ZHX3: variants seen among roughly 807,000 people sequenced by gnomAD.
ZHX3 encodes zinc fingers and homeoboxes 3.
A neutral mutation model predicts 64.5 loss-of-function variants in ZHX3; 20 were observed. The ratio of observed to expected loss-of-function variants is 0.31; its 90% CI spans 0.22 to 0.45. The LOEUF (loss-of-function observed/expected upper bound fraction) is 0.45. ZHX3 is among the 20% of genes least tolerant of loss of function. The probability of loss-of-function intolerance (pLI) is 1.00; values close to 1 mark genes in which losing one functional copy is unlikely to be tolerated. For missense variants in ZHX3, 1,041 were observed against 1,195.8 expected, an observed-to-expected ratio of 0.87 and a Z score of 1.91; for synonymous variants, 423 against 461.6, an observed-to-expected ratio of 0.92 and a Z score of 1.07.
chr20:41,266,712 A>T (rs1270301434), intron 2 of ZHX3, among the ~76,000 whole-genome samples: 1 of 149,564 alleles, frequency 6.7e-6, no homozygotes, highest in African/African-American at 2.5e-5. Context: ...CGCCCAGCTA[A>T]TTTTTTGTAT....
intron 2 of ZHX3, among the ~76,000 whole-genome samples, chr20:41,206,322 G>C (rs1600772746): frequency 6.6e-6 from 1 of 152,168 alleles, no homozygotes; most frequent in Non-Finnish European, 1.5e-5. Flanking sequence ...TGAGAGAAGA[G>C]GGCTTCAGAC....
At chr20:41,257,011 A>G (rs143972380) in intron 2 of ZHX3, among the ~76,000 whole-genome samples, 229 of 152,174 alleles carry the variant, frequency 1.5e-3, no homozygotes, top group African/African-American at 5.2e-3. Flanking sequence ...GCTCCCACTT[A>G]TAAGTGAGAA....
rs554724628 is a variant in ZHX3 at position 41,205,009 on chromosome 20, C to T, written c.-93G>A. On this transcript the variant is annotated 5_prime_UTR_variant, in exon 3 of 4. Transcript: ENST00000683867. Reference sequence around the variant, plus strand: ...AGCTTCTCGATGAGGGCCAAAGAAACAGTTTCTAAATGCAGCTTTTTCAGT... The same window carrying T: ...AGCTTCTCGATGAGGGCCAAAGAAATAGTTTCTAAATGCAGCTTTTTCAGT... 7.1e-7 allele frequency: 1 copy of T among 1,399,294 alleles called. No homozygotes were observed. Among genetic ancestry groups the T allele is most frequent in the East Asian group, 2.6e-5 (1 of 38,526 alleles). The allele number at this position is 1,399,294 out of a possible 1,614,324, so 86.7% of individuals were successfully genotyped here. A position where few individuals can be genotyped will look rare whatever the true frequency, so the allele number is the denominator to read the frequency against.
intron 1 of ZHX3, among the ~76,000 whole-genome samples, chr20:41,312,682 G>C (rs1434152001): frequency 6.6e-6 from 1 of 152,174 alleles, no homozygotes; most frequent in East Asian, 1.9e-4. Flanking sequence ...GGACGTTTAA[G>C]GATCTTTCTA....
At chr20:41,275,857 C>G (rs1043943582) in intron 1 of ZHX3, among the ~76,000 whole-genome samples, 2 of 152,176 alleles carry the variant, frequency 1.3e-5, no homozygotes, top group Admixed American at 1.3e-4. Flanking sequence ...TCTAGTTGCA[C>G]TCAGTTAACC....
intron 2 of ZHX3, among the ~76,000 whole-genome samples, chr20:41,208,031 A>G (rs1038409220): frequency 6.6e-6 from 1 of 152,254 alleles, no homozygotes; most frequent in Admixed American, 6.5e-5. Flanking sequence ...TCCCATAGAA[A>G]TACAAACTAC....
intron 3 of ZHX3, among the ~76,000 whole-genome samples, chr20:41,193,063 C>A (rs1316431234): frequency 6.6e-6 from 1 of 152,182 alleles, no homozygotes; most frequent in Non-Finnish European, 1.5e-5. Flanking sequence ...TCCGTGAATT[C>A]CAGTGTTCTG....
chr20:41,229,425 G>A (rs530966088), intron 2 of ZHX3, among the ~76,000 whole-genome samples: 90 of 152,224 alleles, frequency 5.9e-4, no homozygotes, highest in Non-Finnish European at 1.2e-3. Context: ...CCCAGAAGTG[G>A]AATTGCTTAA....
In ZHX3 at chr20:41,182,169, G is replaced by A. The variant is rs997911820; in HGVS notation, c.*3022C>T. 2 of 152,044 alleles carry A rather than the reference G, an allele frequency of 1.3e-5. No homozygotes were observed. Among genetic ancestry groups the A allele is most frequent in the African/African-American group, 2.4e-5 (1 of 41,358 alleles). The allele number at this position is 152,044 out of a possible 1,614,324, so 9.4% of individuals were successfully genotyped here. On this transcript the variant is annotated 3_prime_UTR_variant, in exon 4 of 4. Transcript: ENST00000683867. This position sits in a 1 kb window ranked among gnomAD's most constrained non-coding sequence, Gnocchi z 6.1. Reference sequence around the variant, plus strand: ...CATCTGGTTTCACCTTTGAGAACTCGATCTACAACCCCATGTAAAAAACAA... The same window carrying A: ...CATCTGGTTTCACCTTTGAGAACTCAATCTACAACCCCATGTAAAAAACAA...
chr20:41,206,897 G>C (rs1462654313), intron 2 of ZHX3, among the ~76,000 whole-genome samples: 1 of 152,204 alleles, frequency 6.6e-6, no homozygotes, highest in Admixed American at 6.5e-5. Flanking sequence ...GGCAGCCAGA[G>C]AGAAAGGTCG....
chr20:41,288,916 T>C (rs867224127), intron 1 of ZHX3, among the ~76,000 whole-genome samples: 8 of 152,070 alleles, frequency 5.3e-5, no homozygotes, highest in Non-Finnish European at 1.0e-4. Context: ...AGATGTTACA[T>C]TGAATAGACA....
intron 2 of ZHX3, among the ~76,000 whole-genome samples, chr20:41,256,240 G>T (rs1038844671): frequency 6.6e-6 from 1 of 152,114 alleles, no homozygotes; most frequent in East Asian, 1.9e-4. Context: ...TGAGCTCCAT[G>T]AGGACAGGGA....
chr20:41,310,824 T>C (rs1383752096), intron 1 of ZHX3, among the ~76,000 whole-genome samples: 2 of 145,628 alleles, frequency 1.4e-5, no homozygotes, highest in Non-Finnish European at 3.0e-5. Flanking sequence ...TTTTTTTTTT[T>C]TTTGAGACAG....
At chr20:41,298,966 C>CCG (rs2044674357) in intron 1 of ZHX3, among the ~76,000 whole-genome samples, 1 of 152,122 alleles carries the variant, frequency 6.6e-6, no homozygotes. Context: ...AGAGGTGTCC[C>CCG]CTACGTAAGA....
intron 2 of ZHX3, among the ~76,000 whole-genome samples, chr20:41,240,867 G>A (rs1380502338): frequency 6.6e-6 from 1 of 152,162 alleles, no homozygotes; most frequent in African/African-American, 2.4e-5. Context: ...TCGTTGAATA[G>A]TACTTCATTG....
In ZHX3 at chr20:41,185,567, C is replaced by CT. The variant is rs2036450330; in HGVS notation, c.2861-367dup. On this transcript the variant is annotated intron_variant, in intron 3 of 3. Coordinates refer to ENST00000683867, the MANE Select transcript of ZHX3 (RefSeq NM_001384317.1). The surrounding 1 kb of genome is among the most constrained non-coding windows in gnomAD (Gnocchi z 5.0). The stretch of plus-strand genomic sequence containing the variant: ...CTAAAATGCTTCATCCTGCCCTCTC[C>CT]TTCCAGGCTCTCCAGAACATACTGT... The CT allele has an allele frequency of 9.8e-6, 4 of 408,518 alleles. No individual in the cohort carries two copies. The highest frequency in any genetic ancestry group is 8.2e-5 in the Admixed American group (2 of 24,480). 25.3% of individuals were successfully genotyped at this position (408,518 alleles called of 1,614,324 possible). A position where few individuals can be genotyped will look rare whatever the true frequency, so the allele number is the denominator to read the frequency against.
intron 2 of ZHX3, among the ~76,000 whole-genome samples, chr20:41,249,678 G>A (rs918437217): frequency 6.6e-6 from 1 of 152,112 alleles, no homozygotes; most frequent in Non-Finnish European, 1.5e-5. Flanking sequence ...TCCAAAAGAT[G>A]AATGGTTAAA....
At chr20:41,191,121 G>T (rs1446265678) in intron 3 of ZHX3, among the ~76,000 whole-genome samples, 1 of 152,116 alleles carries the variant, frequency 6.6e-6, no homozygotes, top group Non-Finnish European at 1.5e-5. Flanking sequence ...TCATTAAATA[G>T]GTTTTCTCAC....
intron 2 of ZHX3, among the ~76,000 whole-genome samples, chr20:41,240,188 G>A (rs574101114): frequency 8.6e-5 from 13 of 151,990 alleles, no homozygotes; most frequent in Non-Finnish European, 1.6e-4. Flanking sequence ...TAGTAGAGAT[G>A]GGGGGTTTTG....
Sources: gnomAD v4.1 joint callset for allele counts (sites outside exome capture counted in the v4.1 genomes callset) on GRCh38, gnomAD v4.1.1 for gene constraint, Gnocchi (gnomAD v3.1) non-coding constraint, MANE v1.5 for transcripts, NCBI Gene and HGNC (gene_info 2026-07-23, HGNC 2026-07-21) for gene names.